Variants in PBXIP1 observed in about 807,000 individuals in gnomAD.
The protein encoded by PBXIP1 is pre-B-cell leukemia transcription factor-interacting protein 1.
In PBXIP1, 73 loss-of-function variants were observed where a neutral mutation model predicts 73.7. The ratio of observed to expected loss-of-function variants is 0.99; its 90% CI spans 0.82 to 1.20. PBXIP1 has a LOEUF of 1.20. Ranked by LOEUF, PBXIP1 falls within the 50% of genes most tolerant of loss-of-function variation. The pLI, the probability that PBXIP1 is intolerant of heterozygous loss-of-function variation, is 0.00. For synonymous variants in PBXIP1, 330 were observed against 366.9 expected (o/e 0.90, Z 1.15); for missense variants, 818 against 911.4 (o/e 0.90, Z 1.32).
chr1:154,950,544 C>G (rs990665743), intron 5 of PBXIP1: 1 of 152,580 alleles, frequency 6.6e-6, no homozygotes, highest in Non-Finnish European at 1.5e-5. Flanking sequence ...CTAAATGGCC[C>G]CCAGGCCCTC....
In PBXIP1 at chr1:154,951,540, G is replaced by A. The variant is rs376610244; in HGVS notation, c.179-5C>T. 2.7e-5 allele frequency: 43 copies of A among 1,613,328 alleles called. No individual in the cohort carries two copies. Among genetic ancestry groups the A allele is most frequent in the Admixed American group, 3.3e-5 (2 of 60,004 alleles). On this transcript the variant is annotated splice_polypyrimidine_tract_variant and splice_region_variant and intron_variant, in intron 3 of 10. Transcript: ENST00000368463. The surrounding 1 kb of genome is among the most constrained non-coding windows in gnomAD (Gnocchi z 4.3). Reference sequence around the variant, plus strand: ...TTTCAGTCTGGAAGAGCGTCCCTGCGGTAGGAGAAAAGGCGCAGAAAAACC... The same window carrying A: ...TTTCAGTCTGGAAGAGCGTCCCTGCAGTAGGAGAAAAGGCGCAGAAAAACC...
intron 5 of PBXIP1, 102 bp from the exon 6 acceptor site, chr1:154,948,468 G>C: frequency 1.2e-6 from 1 of 816,616 alleles, no homozygotes; most frequent in South Asian, 1.8e-5. Context: ...GAGGTCGTCA[G>C]CCCTGACCCC....
chr1:154,946,640 C>G lies in PBXIP1; in HGVS notation c.1034G>C (p.Cys345Ser), dbSNP rs1423765806. 6.2e-7 allele frequency: 1 copy of G among 1,612,084 alleles called. No individual in the cohort carries two copies. The highest frequency in any genetic ancestry group is 1.3e-5 in the African/African-American group (1 of 74,926). The change falls in exon 10 of 11, where the codon TGT (cysteine) becomes TCT (serine). Residue 345 changes from cysteine (C) to serine (S), a missense_variant. Transcript: ENST00000368463. ...RARLQGLEADCVRGPDGVCLS... is the reference protein window; with the variant it reads ...RARLQGLEADSVRGPDGVCLS... ...GCACACCCCATCTGGGCCCCGGACA[C>G]AGTCGGCCTCCAGCCCCTGGAGCCG...
chr1:154,947,581 C>T (rs1359889556), intron 8 of PBXIP1, 33 bp from the exon 9 acceptor site: 3 of 1,604,956 alleles, frequency 1.9e-6, no homozygotes, highest in African/African-American at 1.3e-5. Flanking sequence ...TGCCATGCTA[C>T]CCCACAGCCC....
chr1:154,953,495 C>G (rs1291165749), intron 2 of PBXIP1, among the ~76,000 whole-genome samples, 176 bp downstream of exon 2: 1 of 152,314 alleles, frequency 6.6e-6, no homozygotes, highest in Non-Finnish European at 1.5e-5. Flanking sequence ...GTGCCAACAC[C>G]TGACCCCTGG....
rs1442867008 is a variant in PBXIP1, at chr1:154,944,509, G to A, written c.*515C>T. ...ATAGGGAGGTGAAGCCGTGGGAGAA[G>A]CAGGGGTAAAAAAAAAAAGGGGGGG... On this transcript the variant is annotated 3_prime_UTR_variant, in exon 11 of 11. Coordinates refer to ENST00000368463, the MANE Select transcript of PBXIP1 (RefSeq NM_020524.4). 7.9e-6 allele frequency: 1 copy of A among 126,160 alleles called. No homozygotes were observed. The highest frequency in any genetic ancestry group is 3.3e-5 in the African/African-American group (1 of 30,750). The allele number at this position is 126,160 out of a possible 1,614,324, so 7.8% of individuals were successfully genotyped here.
At position 154,953,592 on chromosome 1, in the gene PBXIP1, A is replaced by G. The variant is rs529269274; in HGVS notation, c.51+79T>C. The stretch of plus-strand genomic sequence containing the variant: ...GTGACCATCAGGACTAAGGAAAAGG[A>G]CCCACCAAGAAAGAAGCCCAGCACT... On this transcript the variant is annotated intron_variant, in intron 2 of 10. Transcript: ENST00000368463. 1.6e-4 allele frequency: 137 copies of G among 878,294 alleles called. No homozygotes were observed. The South Asian group carries it at 1.9e-3, about 12-fold the overall frequency. The allele number at this position is 878,294 out of a possible 1,614,324, so 54.4% of individuals were successfully genotyped here.
At chr1:154,950,362 T>A (rs1654970363) in intron 5 of PBXIP1, 3 of 152,274 alleles carry the variant, frequency 2.0e-5, no homozygotes, top group Non-Finnish European at 4.4e-5. Context: ...AGGGTCTCCC[T>A]CTGTTGCCCA....
At chr1:154,950,737 T>C (rs1654980012) in intron 5 of PBXIP1, among the ~76,000 whole-genome samples, 1 of 152,248 alleles carries the variant, frequency 6.6e-6, no homozygotes, top group Non-Finnish European at 1.5e-5. Flanking sequence ...TCCACTCAAA[T>C]GTCACCTCTC....
At chr1:154,952,357 C>G (rs1655035037) in intron 2 of PBXIP1, among the ~76,000 whole-genome samples, 1 of 152,158 alleles carries the variant, frequency 6.6e-6, no homozygotes, top group African/African-American at 2.4e-5. Context: ...TGGACAACTA[C>G]TTACATCTCT....
chr1:154,955,536 C>G (rs922959398), intron 1 of PBXIP1, among the ~76,000 whole-genome samples: 8 of 152,288 alleles, frequency 5.3e-5, no homozygotes, highest in South Asian at 2.1e-4. Flanking sequence ...TAGGTTAACC[C>G]AGGGTTCAAA....
chr1:154,950,299 C>G (rs1172929424), intron 5 of PBXIP1: 1 of 152,138 alleles, frequency 6.6e-6, no homozygotes, highest in Non-Finnish European at 1.5e-5. Flanking sequence ...AGTGCTGGGA[C>G]TACAGGCGTG....
At chr1:154,950,314 A>T (rs1654968880) in intron 5 of PBXIP1, 1 of 152,228 alleles carries the variant, frequency 6.6e-6, no homozygotes, top group Middle Eastern at 3.2e-3. Context: ...GGCGTGAGCC[A>T]CTGCACCCTG....
intron 5 of PBXIP1, among the ~76,000 whole-genome samples, chr1:154,948,954 T>G (rs1654923150): frequency 6.6e-6 from 1 of 152,094 alleles, no homozygotes; most frequent in Admixed American, 6.5e-5. Flanking sequence ...CTCTGCAAAC[T>G]GGTTCTTTTC....
chr1:154,946,024 G>A lies in PBXIP1; in HGVS notation c.1650C>T (p.Ser550=). 2.5e-6 allele frequency: 4 copies of A among 1,614,144 alleles called. No individual in the cohort carries two copies. The highest frequency in any genetic ancestry group is 3.4e-6 in the Non-Finnish European group (4 of 1,180,006). The stretch of plus-strand genomic sequence containing the variant: ...GAGGTTGCTTCTGCTTTTCTCCAGA[G>A]GAGTGGAAGCTACCACTTTTCCTTG... ...EPPRKSGSFH[S]SGEKQKQPRW... Residue 550 remains serine (S), a synonymous_variant, in exon 10 of 11, where the codon TCC becomes TCT. Transcript: ENST00000368463.
rs767076584 is a variant in PBXIP1, at chr1:154,947,704, C to T, written c.676G>A (p.Glu226Lys). The change falls in exon 8 of 11, where the codon GAG (glutamate) becomes AAG (lysine). Residue 226 changes from glutamate to lysine, a missense_variant. Transcript: ENST00000368463. ...GLSESETGPM[E>K]EVERQVLPDP... is the part of the protein sequence containing the mutation. ...GGGAGGACCTGCCGCTCCACTTCCT[C>T]CATGGGCCCTGTGGGAAAGGGAAAC... 1.2e-6 allele frequency: 2 copies of T among 1,613,482 alleles called. No homozygotes were observed. The highest frequency in any genetic ancestry group is 1.7e-6 in the Non-Finnish European group (2 of 1,179,840).
In PBXIP1 at chr1:154,948,168, A is replaced by G. The variant is rs1324094993; in HGVS notation, c.608T>C (p.Leu203Pro). ...GAGGACCCCCAGGCCAAGCAGAACC[A>G]GGGCCCCAAGGAGGCACATGTTGAG... ...ISLNMCLLGA[L>P]VLLGLGVLLF... is the part of the protein sequence containing the mutation. The change falls in exon 6 of 11, where the codon CTG (leucine) becomes CCG (proline). Residue 203 changes from leucine to proline, a missense_variant. By Grantham distance (98) the Leu-to-Pro change is moderately conservative (BLOSUM62 -3). Transcript: ENST00000368463. 3 of 1,596,618 alleles carry G rather than the reference A, an allele frequency of 1.9e-6. No homozygotes were observed. In the Admixed American group the frequency reaches 5.2e-5, roughly 27 times the overall value.
Position 154,944,944 on chromosome 1 carries a change from A to G in PBXIP1, c.*80T>C. 2.6e-6 allele frequency: 3 copies of G among 1,166,750 alleles called. No homozygotes were observed. The South Asian group carries it at 3.7e-5, about 15-fold the overall frequency. The allele number at this position is 1,166,750 out of a possible 1,614,324, so 72.3% of individuals were successfully genotyped here. A position where few individuals can be genotyped will look rare whatever the true frequency, so the allele number is the denominator to read the frequency against. The stretch of plus-strand genomic sequence containing the variant: ...CTGAGGACACCAAACAAGCCAGGAC[A>G]GAGTCCACCCTCCAGGAGTTAGATA... On this transcript the variant is annotated 3_prime_UTR_variant, in exon 11 of 11. Transcript: ENST00000368463.
chr1:154,945,002 C>A lies in PBXIP1; in HGVS notation c.*22G>T. ...GATCTTGGGCTGGGCCAGGCCAAGG[C>A]CATTCCCTGTGGGGCAGGGTGTCAG... On this transcript the variant is annotated 3_prime_UTR_variant, in exon 11 of 11. Transcript: ENST00000368463. 6.3e-7 allele frequency: 1 copy of A among 1,599,624 alleles called. No individual in the cohort carries two copies. The highest frequency in any genetic ancestry group is 2.2e-5 in the East Asian group (1 of 44,812).
Sources: allele counts gnomAD v4.1 joint callset (sites outside exome capture counted in the v4.1 genomes callset), GRCh38; gene constraint gnomAD v4.1.1; non-coding constraint Gnocchi (gnomAD v3.1); transcripts MANE v1.5; gene names NCBI Gene and HGNC (gene_info 2026-07-23, HGNC 2026-07-21).